CCNDBP1: variants seen among roughly 807,000 people sequenced by gnomAD.
CCNDBP1 encodes cyclin D1 binding protein 1.
A neutral mutation model predicts 46.2 loss-of-function variants in CCNDBP1; 45 were observed. The ratio of observed to expected loss-of-function variants is 0.97; its 90% CI spans 0.77 to 1.25. CCNDBP1 has a LOEUF of 1.25. Among genes scored for constraint, CCNDBP1 ranks in the 50% most tolerant of loss-of-function variants. The pLI is 0.00. For synonymous variants in CCNDBP1, 154 were observed against 163.6 expected (o/e 0.94, Z 0.45); for missense variants, 436 against 442.1 (o/e 0.99, Z 0.12).
rs757145469 is a variant in CCNDBP1, at chr15:43,191,061, T to C, written c.579+19T>C. The C allele has an allele frequency of 9.5e-6, 15 of 1,577,502 alleles. No individual in the cohort carries two copies. In the Admixed American group the frequency reaches 1.7e-4, roughly 18 times the overall value. The stretch of plus-strand genomic sequence containing the variant: ...GGAGCAGGTGAGGGGACCTCCATCA[T>C]TGGAAGGCAACTCCTTGACTAGTAG... On this transcript the variant is annotated intron_variant, in intron 7 of 10. Coordinates refer to ENST00000300213, the MANE Select transcript of CCNDBP1 (RefSeq NM_012142.5).
chr15:43,190,994 G>C lies in CCNDBP1; in HGVS notation c.531G>C (p.Leu177=), dbSNP rs2041940421. ...RDNKAAALLM[L]TKNVDFVKDA... is the part of the protein sequence containing the mutation. The stretch of plus-strand genomic sequence containing the variant: ...ACAAAGCTGCAGCTCTTTTGATGCT[G>C]ACCAAGAATGTGGATTTTGTGAAGG... Residue 177 remains leucine, a synonymous_variant, in exon 7 of 11, where the codon CTG becomes CTC. Transcript: ENST00000300213. 2 of 1,614,008 alleles carry C rather than the reference G, an allele frequency of 1.2e-6. No homozygotes were observed. The highest frequency in any genetic ancestry group is 2.7e-5 in the African/African-American group (2 of 74,936).
At chr15:43,189,957 G>A (rs866070906) in intron 4 of CCNDBP1, 98 bp from the exon 5 acceptor site, 46 of 979,704 alleles carry the variant, frequency 4.7e-5, no homozygotes, top group South Asian at 4.1e-4. Flanking sequence ...GCATGTGGGT[G>A]TACATTACCT....
intron 6 of CCNDBP1, 131 bp downstream of exon 6, chr15:43,190,529 AAATT>A: frequency 1.6e-6 from 1 of 643,124 alleles, no homozygotes. Context: ...TTTATTAATG[AAATT>A]AATAGGTAGG....
At chr15:43,189,120 GA>G in intron 3 of CCNDBP1, 78 bp from the exon 4 acceptor site, 1 of 275,422 alleles carries the variant, frequency 3.6e-6, no homozygotes, top group Non-Finnish European at 6.8e-6. Flanking sequence ...AGAAAGAAAA[GA>G]AAAAGAAAAG....
chr15:43,189,101 A>AAAAAAAAAAAAAAAAG (rs756151109), intron 3 of CCNDBP1, 98 bp from the exon 4 acceptor site: 18 of 165,890 alleles, frequency 1.1e-4, no homozygotes, highest in Non-Finnish European at 1.6e-4. Context: ...AAAAAAAAAA[A>AAAAAAAAAAAAAAAAG]AAAGAAAAAG....
At chr15:43,189,116 A>G (rs2041906093) in intron 3 of CCNDBP1, 83 bp from the exon 4 acceptor site, 1 of 571,852 alleles carries the variant, frequency 1.7e-6, no homozygotes, top group Non-Finnish European at 3.0e-6. Context: ...AAAAAGAAAG[A>G]AAAGAAAAAG....
rs139518864 is a variant in CCNDBP1, at chr15:43,190,084, G to A, written c.361G>A (p.Ala121Thr). 2.1e-4 allele frequency: 333 copies of A among 1,613,968 alleles called. No homozygotes were observed. The highest frequency in any genetic ancestry group is 6.8e-4 in the Admixed American group (41 of 59,994). ...CACCCTGAGAAAGCTGGTACGGGGC[G>A]CCACCCTGGACATCGTGGATGGCAT... ...GITLRKLVRGATLDIVDGMAQ... is the reference protein window; with the variant it reads ...GITLRKLVRGTTLDIVDGMAQ... The change falls in exon 5 of 11, where the codon GCC becomes ACC. Residue 121 changes from alanine to threonine, a missense_variant. Ala to Thr is a moderately conservative substitution (Grantham distance 58). Transcript: ENST00000300213.
rs369076093 is a variant in CCNDBP1 at position 43,185,772 on chromosome 15, A to G, written c.110-48A>G. 2.3e-5 allele frequency: 36 copies of G among 1,593,850 alleles called. No individual in the cohort carries two copies. The African/African-American group carries it at 4.7e-4, about 21-fold the overall frequency. The stretch of plus-strand genomic sequence containing the variant: ...CGAGGGAGGTGGCTCCGCTTACCTC[A>G]GCTTTTCCATTCGCCACCGTTCGGC... On this transcript the variant is annotated intron_variant, in intron 1 of 10. Transcript: ENST00000300213.
chr15:43,185,964 G>A, intron 2 of CCNDBP1, 85 bp downstream of exon 2: 1 of 1,369,180 alleles, frequency 7.3e-7, no homozygotes, highest in Non-Finnish European at 1.0e-6. Flanking sequence ...CCCACGGAGG[G>A]GACTGCTCTC....
rs1455152440 is a variant in CCNDBP1 at position 43,192,729 on chromosome 15, T to C, written c.861-14T>C. On this transcript the variant is annotated splice_polypyrimidine_tract_variant and intron_variant, in intron 8 of 10. Transcript: ENST00000300213. ...GTTTTTTTGTTAATGATTACTTTTG[T>C]TTTCTGCTCTTAGTGTGGATGATTT... 3 of 1,613,662 alleles carry C rather than the reference T, an allele frequency of 1.9e-6. No homozygotes were observed. Among genetic ancestry groups the C allele is most frequent in the Non-Finnish European group, 2.5e-6 (3 of 1,179,684 alleles).
chr15:43,187,512 C>T (rs1428352308), intron 3 of CCNDBP1, among the ~76,000 whole-genome samples: 2 of 152,094 alleles, frequency 1.3e-5, no homozygotes, highest in African/African-American at 2.4e-5. Context: ...TCAAGTGATC[C>T]GCCTGCCTTG....
chr15:43,189,386 A>G (rs1425268928), intron 4 of CCNDBP1, 106 bp downstream of exon 4: 2 of 613,384 alleles, frequency 3.3e-6, no homozygotes, highest in Non-Finnish European at 2.8e-6. Context: ...ACTTTCTCCC[A>G]TAAAATACAG....
At chr15:43,194,287 A>C in intron 9 of CCNDBP1, 128 bp from the exon 10 acceptor site, 1 of 668,392 alleles carries the variant, frequency 1.5e-6, no homozygotes, top group Non-Finnish European at 2.4e-6. Flanking sequence ...TCAGCATTTT[A>C]AATTTTGCAT....
In CCNDBP1 at chr15:43,190,046, T is replaced by C. The variant is rs1194868409; in HGVS notation, c.332-9T>C. 1.9e-6 allele frequency: 3 copies of C among 1,613,628 alleles called. No individual in the cohort carries two copies. The highest frequency in any genetic ancestry group is 2.5e-6 in the Non-Finnish European group (3 of 1,179,624). On this transcript the variant is annotated splice_polypyrimidine_tract_variant and intron_variant, in intron 4 of 10. Transcript: ENST00000300213. ...CACCAGGTTGCTTATTCTTTGGGTTTGGCCACAGGGATCACCCTGAGAAAG... is the reference window on the plus strand; with the variant it reads ...CACCAGGTTGCTTATTCTTTGGGTTCGGCCACAGGGATCACCCTGAGAAAG...
At position 43,194,698 on chromosome 15, in the gene CCNDBP1, AACTT is replaced by A. The variant is rs745662593; in HGVS notation, c.969-24_969-21del. ...TTTCCCTTGACATCCTAATAAGTTT[AACTT>A]ACTTCTTTCCTATTCTATTCACAGA... On this transcript the variant is annotated intron_variant, in intron 10 of 10. Transcript: ENST00000300213. 79 of 1,507,754 alleles carry A rather than the reference AACTT, an allele frequency of 5.2e-5. 1 individual carries two copies. In the Middle Eastern group the frequency reaches 1.5e-3, roughly 29 times the overall value. 93.4% of individuals were successfully genotyped at this position (1,507,754 alleles called of 1,614,324 possible). A position where few individuals can be genotyped will look rare whatever the true frequency, so the allele number is the denominator to read the frequency against.
At chr15:43,191,755 G>GT in intron 8 of CCNDBP1, 80 bp downstream of exon 8, 3 of 1,486,958 alleles carry the variant, frequency 2.0e-6, no homozygotes, top group Non-Finnish European at 2.7e-6. Flanking sequence ...GGTTTTCACA[G>GT]TTTTTTTATA....
chr15:43,189,984 T>A lies in CCNDBP1; in HGVS notation c.332-71T>A. ...ACATTACCTTATAGTTCTGTAATGCTTAGACTCAGGAAAGCAGATGGTGCT... is the reference window on the plus strand; with the variant it reads ...ACATTACCTTATAGTTCTGTAATGCATAGACTCAGGAAAGCAGATGGTGCT... On this transcript the variant is annotated intron_variant, in intron 4 of 10. Transcript: ENST00000300213. 6 of 1,324,104 alleles carry A rather than the reference T, an allele frequency of 4.5e-6. No individual in the cohort carries two copies. The South Asian group carries it at 7.2e-5, about 16-fold the overall frequency. 82.0% of individuals were successfully genotyped at this position (1,324,104 alleles called of 1,614,324 possible). A position where few individuals can be genotyped will look rare whatever the true frequency, so the allele number is the denominator to read the frequency against.
chr15:43,189,098 A>G (rs1235031404), intron 3 of CCNDBP1, 101 bp from the exon 4 acceptor site: 3 of 476,438 alleles, frequency 6.3e-6, no homozygotes, highest in East Asian at 4.0e-5. Context: ...AAAAAAAAAA[A>G]AAAAAAGAAA....
At chr15:43,186,275 A>G in intron 3 of CCNDBP1, 42 bp downstream of exon 3, 1 of 1,482,674 alleles carries the variant, frequency 6.7e-7, no homozygotes, top group Non-Finnish European at 9.4e-7. Context: ...GCCGAGTTAC[A>G]CCTTAGGAAT....
Sources: allele counts gnomAD v4.1 joint callset (sites outside exome capture counted in the v4.1 genomes callset), GRCh38; gene constraint gnomAD v4.1.1; transcripts MANE v1.5; gene names NCBI Gene and HGNC (gene_info 2026-07-23, HGNC 2026-07-21).